The following NAA15 variants were observed in gnomAD, a reference collection of about 807,000 sequenced individuals.
NAA15 encodes the protein N-alpha-acetyltransferase 15, NatA auxiliary subunit.
Under a neutral mutation model 114.0 loss-of-function variants are expected in NAA15, and 34 were observed. That is an observed-to-expected ratio of 0.30 (90% CI 0.23 to 0.40). The LOEUF (loss-of-function observed/expected upper bound fraction) is 0.40. Ranked by LOEUF, NAA15 falls within the 10% of genes least tolerant of loss-of-function variation. The probability of loss-of-function intolerance (pLI) is 1.00; values close to 1 mark genes in which losing one functional copy is unlikely to be tolerated. For missense variants in NAA15, 658 were observed against 1,004.5 expected (o/e 0.66, Z 4.66); for synonymous variants, 340 against 338.0 (o/e 1.01, Z -0.06).
chr4:139,359,706 A>G, intron 11 of NAA15, 37 bp from the exon 12 acceptor site: 1 of 1,570,118 alleles, frequency 6.4e-7, no homozygotes, highest in South Asian at 1.2e-5. Flanking sequence ...TAAACTTAGC[A>G]TGCTAACTGG....
At chr4:139,359,334 G>T (rs956583650) in intron 11 of NAA15, among the ~76,000 whole-genome samples, 1 of 151,840 alleles carries the variant, frequency 6.6e-6, no homozygotes, top group African/African-American at 2.4e-5. Context: ...CACCATGTTG[G>T]CCAAGTTTGA....
At chr4:139,356,841 T>TA (rs1359963996) in intron 10 of NAA15, among the ~76,000 whole-genome samples, 2 of 152,148 alleles carry the variant, frequency 1.3e-5, no homozygotes, top group African/African-American at 4.8e-5. Flanking sequence ...GTATAGTTTT[T>TA]ATTTGACTTA....
At chr4:139,350,176 CTCACA>C (rs1245057261) in intron 7 of NAA15, among the ~76,000 whole-genome samples, 4 of 152,062 alleles carry the variant, frequency 2.6e-5, no homozygotes, top group Non-Finnish European at 5.9e-5. Context: ...GGTGTAGGGG[CTCACA>C]CTTGTGATCC....
chr4:139,336,903 T>G lies in NAA15; in HGVS notation c.195T>G (p.Ala65=). ...ACTGTTTGGGGAAAAAGGAAGAAGC[T>G]TATGAATTGGTTCGTAGAGGTTTGA... is the stretch of plus-strand genomic sequence containing the variant. ...TLNCLGKKEE[A]YELVRRGLRN... The change falls in exon 3 of 20, where the codon GCT becomes GCG. Residue 65 remains alanine, a synonymous_variant. Coordinates refer to ENST00000296543, the MANE Select transcript of NAA15 (RefSeq NM_057175.5). The G allele has an allele frequency of 1.9e-6, 3 of 1,604,740 alleles. No homozygotes were observed. Among genetic ancestry groups the G allele is most frequent in the Non-Finnish European group, 2.6e-6 (3 of 1,175,272 alleles).
chr4:139,309,677 CTGT>C (rs1485343046), intron 1 of NAA15, among the ~76,000 whole-genome samples: 138 of 152,174 alleles, frequency 9.1e-4, no homozygotes, highest in African/African-American at 3.2e-3. Flanking sequence ...TTTTAAAATT[CTGT>C]ATTGTGTTAG....
At position 139,378,986 on chromosome 4, in the gene NAA15, G is replaced by A. The variant is rs895344986; in HGVS notation, c.2155+132G>A. 2.4e-5 allele frequency: 13 copies of A among 549,388 alleles called. No individual in the cohort carries two copies. In the South Asian group the frequency reaches 3.6e-4, roughly 15 times the overall value. 34.0% of individuals were successfully genotyped at this position (549,388 alleles called of 1,614,324 possible). A position where few individuals can be genotyped will look rare whatever the true frequency, so the allele number is the denominator to read the frequency against. On this transcript the variant is annotated intron_variant, in intron 17 of 19. Coordinates refer to ENST00000296543, the MANE Select transcript of NAA15 (RefSeq NM_057175.5). ...ACATACTAAATTAGCTAAGGGAAAA[G>A]CAGGGCTTTTTTCTTTATGATGAAG... is the stretch of plus-strand genomic sequence containing the variant.
chr4:139,357,564 CT>C lies in NAA15; in HGVS notation c.1257+16del. On this transcript the variant is annotated intron_variant, in intron 11 of 19. Transcript: ENST00000296543. ...AAGCTAAAATCTATAAGGTAAAAAT[CT>C]TTTTTTCTATTTTCTTATAAGGTAA... 1.3e-6 allele frequency: 2 copies of C among 1,556,776 alleles called. No individual in the cohort carries two copies. Among genetic ancestry groups the C allele is most frequent in the Non-Finnish European group, 1.8e-6 (2 of 1,139,234 alleles).
intron 1 of NAA15, among the ~76,000 whole-genome samples, chr4:139,315,944 A>T (rs976379639): frequency 6.7e-6 from 1 of 149,794 alleles, no homozygotes; most frequent in Non-Finnish European, 1.5e-5. Context: ...ATTTGGTTTC[A>T]TTTTCTTACG....
rs545091643 is a variant in NAA15 at position 139,313,826 on chromosome 4, C to G, written c.54+11995C>G. Among the ~76,000 whole-genome samples, 4 of 151,862 alleles carry G rather than the reference C, an allele frequency of 2.6e-5. No homozygotes were observed. In the South Asian group the frequency reaches 8.3e-4, roughly 31 times the overall value. On this transcript the variant is annotated intron_variant, in intron 1 of 19. Coordinates refer to ENST00000296543, the MANE Select transcript of NAA15 (RefSeq NM_057175.5). ...TGCTGGCATTACAGGTGTGAGCCACCGCGCCCGGCCTGTTACAGTATATTT... is the reference window on the plus strand; with the variant it reads ...TGCTGGCATTACAGGTGTGAGCCACGGCGCCCGGCCTGTTACAGTATATTT...
intron 14 of NAA15, among the ~76,000 whole-genome samples, chr4:139,368,373 C>T (rs952010949): frequency 2.6e-5 from 4 of 152,000 alleles, no homozygotes; most frequent in Non-Finnish European, 5.9e-5. Context: ...TCTAGGAGTT[C>T]GAGACCAGCC....
At position 139,391,291 on chromosome 4, in the gene NAA15, G is replaced by T. The variant is rs541907875; in HGVS notation, c.*3207G>T. 1 of 148,226 alleles carries T rather than the reference G, an allele frequency of 6.7e-6. No individual in the cohort carries two copies. The highest frequency in any genetic ancestry group is 1.9e-4 in the East Asian group (1 of 5,200). The allele number at this position is 148,226 out of a possible 1,614,324, so 9.2% of individuals were successfully genotyped here. ...AAAAACAAAGTCCCACGAAATGGCT[G>T]TGTTACACCATAGTGAGCAGAAACT... On this transcript the variant is annotated 3_prime_UTR_variant, in exon 20 of 20. Transcript: ENST00000296543.
Position 139,324,669 on chromosome 4 carries a change from C to T in NAA15, c.55-9505C>T, listed in dbSNP as rs147036248. ...GTTTAGGGCCGGGCGCAGTGGCTCA[C>T]GCCTGTAATCCCAGCACTTCAGGAG... On this transcript the variant is annotated intron_variant, in intron 1 of 19. Coordinates refer to ENST00000296543, the MANE Select transcript of NAA15 (RefSeq NM_057175.5). 1.2e-4 allele frequency among the ~76,000 whole-genome samples: 19 copies of T among 152,290 alleles called. No individual in the cohort carries two copies. In the East Asian group the frequency reaches 2.3e-3, roughly 19 times the overall value.
rs1187086529 is a variant in NAA15 at position 139,359,671 on chromosome 4, A to C, written c.1258-72A>C. On this transcript the variant is annotated intron_variant, in intron 11 of 19. Transcript: ENST00000296543. ...TTCATTTGTTTTTAAATTATTTATC[A>C]ACAGATAATGAATTACCTGCACAGT... The C allele has an allele frequency of 7.8e-6, 11 of 1,418,524 alleles. No homozygotes were observed. The African/African-American group carries it at 8.9e-5, about 11-fold the overall frequency. The allele number at this position is 1,418,524 out of a possible 1,614,324, so 87.9% of individuals were successfully genotyped here.
In NAA15 at chr4:139,314,984, CGTTCA is replaced by C. The variant is rs200195608; in HGVS notation, c.54+13167_54+13171del. On this transcript the variant is annotated intron_variant, in intron 1 of 19. Coordinates refer to ENST00000296543, the MANE Select transcript of NAA15 (RefSeq NM_057175.5). ...AGCAACCACACCCGGCCTAGAGAAG[CGTTCA>C]GTTCAGTTCAGTTTAGTTTAGGTTA... is the stretch of plus-strand genomic sequence containing the variant. 5.2e-4 allele frequency among the ~76,000 whole-genome samples: 44 copies of C among 84,476 alleles called. 2 individuals are homozygous for C. The East Asian group carries it at 8.8e-3, about 17-fold the overall frequency. The allele number at this position is 84,476 out of a possible 152,430, so 55.4% of individuals were successfully genotyped here.
In NAA15 at chr4:139,366,206, C is replaced by T. The variant is rs552254690; in HGVS notation, c.1754-4005C>T. ...CAGGAATTCAGAAGTGTCTAAGTGACTCTGACTCAGGGTCTCTTAGGAAGT... is the reference window on the plus strand; with the variant it reads ...CAGGAATTCAGAAGTGTCTAAGTGATTCTGACTCAGGGTCTCTTAGGAAGT... On this transcript the variant is annotated intron_variant, in intron 14 of 19. Transcript: ENST00000296543. Among the ~76,000 whole-genome samples, 16 of 152,140 alleles carry T rather than the reference C, an allele frequency of 1.1e-4. No individual in the cohort carries two copies. In the East Asian group the frequency reaches 3.1e-3, roughly 29 times the overall value.
Position 139,301,700 on chromosome 4 carries a change from G to T in NAA15, c.-78G>T. 6.7e-7 allele frequency: 1 copy of T among 1,498,210 alleles called. No homozygotes were observed. Among genetic ancestry groups the T allele is most frequent in the South Asian group, 1.2e-5 (1 of 81,128 alleles). 92.8% of individuals were successfully genotyped at this position (1,498,210 alleles called of 1,614,324 possible). ...AGATATTCAAGGCTGAAGCAGCTAC[G>T]GAACGGCAGCGGCGGCGGTCGGACA... is the stretch of plus-strand genomic sequence containing the variant. On this transcript the variant is annotated 5_prime_UTR_variant, in exon 1 of 20. Coordinates refer to ENST00000296543, the MANE Select transcript of NAA15 (RefSeq NM_057175.5).
Position 139,384,967 on chromosome 4 carries a change from A to G in NAA15, c.2291A>G (p.His764Arg), listed in dbSNP as rs867324072. ...FLKRNSDSLP[H>R]RLSAAKMVYY... ...AAAAGGAATTCTGATTCATTGCCAC[A>G]CAGATTATCAGGTAATCACTTTATT... Residue 764 changes from histidine (H) to arginine (R), a missense_variant, in exon 18 of 20, where the codon CAC becomes CGC. Around this residue, in one of 6 missense-constraint regions of NAA15, gnomAD observed 275 missense variants for 371.1 expected, o/e 0.74. Transcript: ENST00000296543. 14 of 1,550,378 alleles carry G rather than the reference A, an allele frequency of 9.0e-6. No individual in the cohort carries two copies. The East Asian group carries it at 3.2e-4, about 36-fold the overall frequency.
chr4:139,357,111 GT>G (rs574852076), intron 10 of NAA15, among the ~76,000 whole-genome samples: 23 of 151,630 alleles, frequency 1.5e-4, no homozygotes, highest in African/African-American at 4.8e-4. Context: ...ACCTGTTTCA[GT>G]TTTCTTTCTA....
rs1032751831 is a variant in NAA15 at position 139,389,961 on chromosome 4, CT to C, written c.*1884del. On this transcript the variant is annotated 3_prime_UTR_variant, in exon 20 of 20. Transcript: ENST00000296543. The stretch of plus-strand genomic sequence containing the variant: ...TTAACAGATGGCAAAAAAACAAAAA[CT>C]TTTTTTCAACTCCTATGAGTGGCAA... 6.6e-6 allele frequency: 1 copy of C among 152,544 alleles called. No homozygotes were observed. The highest frequency in any genetic ancestry group is 1.5e-5 in the Non-Finnish European group (1 of 68,002). The allele number at this position is 152,544 out of a possible 1,614,324, so 9.4% of individuals were successfully genotyped here. A position where few individuals can be genotyped will look rare whatever the true frequency, so the allele number is the denominator to read the frequency against.
Sources: gnomAD v4.1 joint callset for allele counts (sites outside exome capture counted in the v4.1 genomes callset) on GRCh38, gnomAD v4.1.1 for gene constraint, gnomAD v4.1.1 regional missense constraint, MANE v1.5 for transcripts, NCBI Gene and HGNC (gene_info 2026-07-23, HGNC 2026-07-21) for gene names.